The following TMC1 variants were observed in gnomAD, a reference collection of about 807,000 sequenced individuals.
TMC1 encodes transmembrane channel-like protein 1.
Under a neutral mutation model 105.8 loss-of-function variants are expected in TMC1, and 84 were observed. The observed-to-expected ratio is 0.79, with a 90% CI of 0.67 to 0.95. The LOEUF (loss-of-function observed/expected upper bound fraction) is 0.95, where lower values mean the gene tolerates loss of function less well. TMC1 is among the 40% of genes least tolerant of loss of function. The pLI is 0.00. For missense variants in TMC1, 817 were observed against 914.1 expected (o/e 0.89, Z 1.37); for synonymous variants, 315 against 311.5 (o/e 1.01, Z -0.12).
At chr9:72,544,227 G>A (rs148251557) in intron 1 of TMC1, among the ~76,000 whole-genome samples, 7,576 of 152,012 alleles carry the variant, frequency 0.05, 301 homozygotes, top group African/African-American at 0.11. Flanking sequence ...GGGATTACAG[G>A]TGTGAGCCAC....
chr9:72,767,309 G>T (rs933471611), intron 12 of TMC1, among the ~76,000 whole-genome samples: 4 of 152,178 alleles, frequency 2.6e-5, no homozygotes, highest in African/African-American at 9.7e-5. Context: ...ATTAAAAAGA[G>T]TTACTAAGAA....
At chr9:72,668,589 T>G (rs1340344386) in intron 5 of TMC1, among the ~76,000 whole-genome samples, 1 of 152,240 alleles carries the variant, frequency 6.6e-6, no homozygotes, top group Non-Finnish European at 1.5e-5. Context: ...GTTAATTAAC[T>G]AGAACCCTTT....
intron 1 of TMC1, among the ~76,000 whole-genome samples, chr9:72,562,008 T>TA (rs11367909): frequency 5.8e-4 from 84 of 144,532 alleles, no homozygotes; most frequent in East Asian, 6.1e-4. Flanking sequence ...ATCCTATCTC[T>TA]AAAAAAAAAA....
chr9:72,671,542 T>C (rs940310293), intron 5 of TMC1, among the ~76,000 whole-genome samples: 4 of 152,040 alleles, frequency 2.6e-5, no homozygotes, highest in African/African-American at 9.7e-5. Flanking sequence ...AATGGAATCA[T>C]TGGAAAAGTC....
At chr9:72,798,948 A>G (rs1410831479) in intron 17 of TMC1, among the ~76,000 whole-genome samples, 1 of 152,080 alleles carries the variant, frequency 6.6e-6, no homozygotes, top group Non-Finnish European at 1.5e-5. Flanking sequence ...ATTTTAAGTT[A>G]TTTGTTTTCA....
chr9:72,827,698 A>G (rs563567692), intron 21 of TMC1, among the ~76,000 whole-genome samples: 1 of 152,326 alleles, frequency 6.6e-6, no homozygotes, highest in South Asian at 2.1e-4. Context: ...TTTGCTGTGG[A>G]AGAGCCAAAA....
chr9:72,604,446 A>G (rs1340178514), intron 2 of TMC1, among the ~76,000 whole-genome samples: 1 of 152,236 alleles, frequency 6.6e-6, no homozygotes, highest in Non-Finnish European at 1.5e-5. Context: ...TTCTCTATTT[A>G]CCAGCCCAAT....
chr9:72,582,828 A>G (rs1298148433), intron 2 of TMC1, among the ~76,000 whole-genome samples: 1 of 152,226 alleles, frequency 6.6e-6, no homozygotes, highest in Non-Finnish European at 1.5e-5. Context: ...CCCACTTGTT[A>G]AACCCACACT....
intron 11 of TMC1, among the ~76,000 whole-genome samples, chr9:72,753,286 C>CTTTTTTT (rs5898269): frequency 9.2e-4 from 75 of 81,820 alleles, no homozygotes; most frequent in African/African-American, 1.3e-3. Flanking sequence ...TTAACCCCAG[C>CTTTTTTT]TTTTTTTTTT....
intron 13 of TMC1, among the ~76,000 whole-genome samples, chr9:72,774,460 G>A (rs1192535115): frequency 6.6e-5 from 10 of 152,104 alleles, no homozygotes; most frequent in East Asian, 1.9e-4. Context: ...TATACCAGTC[G>A]CATTTCAATT....
intron 8 of TMC1, among the ~76,000 whole-genome samples, chr9:72,727,596 T>C (rs898190494): frequency 6.6e-6 from 1 of 152,120 alleles, no homozygotes; most frequent in Non-Finnish European, 1.5e-5. Context: ...AAGGGGAAAT[T>C]CCACCATTTT....
chr9:72,625,802 G>C (rs1825337562), intron 3 of TMC1, among the ~76,000 whole-genome samples: 1 of 152,032 alleles, frequency 6.6e-6, no homozygotes, highest in Non-Finnish European at 1.5e-5. Flanking sequence ...TAGTGACCTT[G>C]TTTTGTCTGT....
In TMC1 at chr9:72,703,875, C is replaced by T. The variant is rs1051055359; in HGVS notation, c.362+3232C>T. On this transcript the variant is annotated intron_variant, in intron 8 of 23. Transcript: ENST00000297784. ...TATGGGTTCCAGCTGGTGCCATGGC[C>T]GGGGCCAGCCTAATTCTTTTGGTTT... is the stretch of plus-strand genomic sequence containing the variant. Among the ~76,000 whole-genome samples, 5 of 152,130 alleles carry T rather than the reference C, an allele frequency of 3.3e-5. No homozygotes were observed. The South Asian group carries it at 8.3e-4, about 25-fold the overall frequency.
chr9:72,570,596 G>T (rs2132089125), intron 1 of TMC1, among the ~76,000 whole-genome samples: 1 of 148,952 alleles, frequency 6.7e-6, no homozygotes, highest in East Asian at 2.0e-4. Context: ...TTCAAAATAT[G>T]CAGAAAAGTA....
intron 15 of TMC1, 58 bp downstream of exon 15, chr9:72,789,375 T>C: frequency 6.4e-7 from 1 of 1,555,318 alleles, no homozygotes; most frequent in Non-Finnish European, 8.9e-7. Context: ...CTTTTGTGGG[T>C]TATGTTTCTT....
chr9:72,829,074 A>G (rs1360911129), intron 21 of TMC1, among the ~76,000 whole-genome samples: 1 of 152,204 alleles, frequency 6.6e-6, no homozygotes, highest in African/African-American at 2.4e-5. Context: ...ATGTACTGAA[A>G]GGTTGATTGT....
intron 1 of TMC1, among the ~76,000 whole-genome samples, chr9:72,567,641 CA>C (rs986716694): frequency 1.6e-4 from 25 of 152,224 alleles, no homozygotes; most frequent in Admixed American, 1.3e-3. Flanking sequence ...ACAAGAACAG[CA>C]CGGGGGAAAC....
chr9:72,739,447 A>T (rs1037114687), intron 8 of TMC1, among the ~76,000 whole-genome samples: 1 of 152,242 alleles, frequency 6.6e-6, no homozygotes, highest in Non-Finnish European at 1.5e-5. Context: ...TTATGTTTTG[A>T]TGAATTAATG....
chr9:72,553,266 C>G (rs781627981), intron 1 of TMC1, among the ~76,000 whole-genome samples: 7 of 152,106 alleles, frequency 4.6e-5, no homozygotes, highest in Non-Finnish European at 1.0e-4. Flanking sequence ...AGTCACCAAG[C>G]CTGGCTCCAA....
Sources: gnomAD v4.1 joint callset for allele counts (sites outside exome capture counted in the v4.1 genomes callset) on GRCh38, gnomAD v4.1.1 for gene constraint, MANE v1.5 for transcripts, NCBI Gene and HGNC (gene_info 2026-07-23, HGNC 2026-07-21) for gene names.